Variants in INTS9 observed in about 807,000 individuals in gnomAD.
INTS9 encodes protein related to CPSF subunits of 74 kDa.
A neutral mutation model predicts 79.7 loss-of-function variants in INTS9; 55 were observed. That is an observed-to-expected ratio of 0.69 (90% CI 0.56 to 0.86). INTS9 has a LOEUF of 0.86. INTS9 is among the 40% of genes least tolerant of loss of function. The pLI is 0.00. For synonymous variants in INTS9, 319 were observed against 325.2 expected, an observed-to-expected ratio of 0.98 and a Z score of 0.20; for missense variants, 721 against 831.5, an observed-to-expected ratio of 0.87 and a Z score of 1.64.
intron 11 of INTS9, among the ~76,000 whole-genome samples, chr8:28,782,594 T>C (rs1434154566): frequency 6.6e-6 from 1 of 152,164 alleles, no homozygotes; most frequent in Non-Finnish European, 1.5e-5. Flanking sequence ...CTTTTAGAAA[T>C]GTGATGTCCT....
intron 1 of INTS9, among the ~76,000 whole-genome samples, chr8:28,882,705 A>G (rs1809962639): frequency 6.6e-6 from 1 of 152,128 alleles, no homozygotes; most frequent in Admixed American, 6.5e-5. Flanking sequence ...CCTAAAGCCA[A>G]AAAAGGTGTT....
At chr8:28,840,971 G>A (rs10095536) in intron 4 of INTS9, among the ~76,000 whole-genome samples, 129,828 of 148,960 alleles carry the variant, frequency 0.87, 56,532 homozygotes, top group East Asian at 0.93. Context: ...AAAAAAAAAA[G>A]AAAGAAAGAT....
intron 8 of INTS9, among the ~76,000 whole-genome samples, chr8:28,799,753 T>G (rs1018640121): frequency 3.3e-5 from 5 of 152,212 alleles, no homozygotes; most frequent in African/African-American, 1.2e-4. Context: ...CCTTACAAAG[T>G]TGAAAGTCAC....
intron 10 of INTS9, among the ~76,000 whole-genome samples, chr8:28,788,449 C>T (rs180978007): frequency 1.3e-5 from 2 of 152,246 alleles, no homozygotes; most frequent in East Asian, 3.9e-4. Context: ...GACAGAGTTT[C>T]GCTCTTGTTG....
At chr8:28,772,476 A>G (rs1482893140) in intron 14 of INTS9, among the ~76,000 whole-genome samples, 1 of 152,034 alleles carries the variant, frequency 6.6e-6, no homozygotes. Flanking sequence ...CTGTGCCACT[A>G]CACTCCAGCC....
Position 28,880,017 on chromosome 8 carries a change from AT to A in INTS9, c.9+9856del, listed in dbSNP as rs1482101896. 7.2e-5 allele frequency among the ~76,000 whole-genome samples: 11 copies of A among 152,254 alleles called. No individual in the cohort carries two copies. In the East Asian group the frequency reaches 2.1e-3, roughly 29 times the overall value. On this transcript the variant is annotated intron_variant, in intron 1 of 16. Coordinates refer to ENST00000521022, the MANE Select transcript of INTS9 (RefSeq NM_018250.4). ...ATTGAATTTTGTTTTATATGCAAGA[AT>A]TTTACATATTACATATTACACCTCA...
intron 10 of INTS9, among the ~76,000 whole-genome samples, chr8:28,788,825 C>T (rs751071458): frequency 6.6e-6 from 1 of 152,186 alleles, no homozygotes; most frequent in Non-Finnish European, 1.5e-5. Context: ...TTTGCTTTTT[C>T]CTAGTCAGTT....
At chr8:28,875,042 C>T (rs571740307) in intron 1 of INTS9, among the ~76,000 whole-genome samples, 3 of 152,090 alleles carry the variant, frequency 2.0e-5, no homozygotes, top group Non-Finnish European at 4.4e-5. Flanking sequence ...TTTTTAAAAC[C>T]ATCAGATCTT....
chr8:28,806,899 C>T (rs1398365693), intron 8 of INTS9, among the ~76,000 whole-genome samples: 1 of 152,008 alleles, frequency 6.6e-6, no homozygotes, highest in African/African-American at 2.4e-5. Context: ...GCTTTAAATA[C>T]ATTTATCGAA....
At chr8:28,873,437 C>T (rs1809198282) in intron 1 of INTS9, among the ~76,000 whole-genome samples, 1 of 152,050 alleles carries the variant, frequency 6.6e-6, no homozygotes, top group South Asian at 2.1e-4. Flanking sequence ...ACTTTCAGGT[C>T]AACATAATGT....
At chr8:28,787,151 C>T (rs555752664) in intron 11 of INTS9, among the ~76,000 whole-genome samples, 1 of 152,194 alleles carries the variant, frequency 6.6e-6, no homozygotes, top group African/African-American at 2.4e-5. Flanking sequence ...CGCAGAAAAA[C>T]GTTCATAATA....
chr8:28,816,527 C>A (rs36137475), intron 6 of INTS9, among the ~76,000 whole-genome samples: 53,042 of 143,996 alleles, frequency 0.37, 9,544 homozygotes, highest in Non-Finnish European at 0.46. Flanking sequence ...TGTATATGTG[C>A]CACATTTTCT....
chr8:28,768,549 G>C (rs1802342098), intron 16 of INTS9, among the ~76,000 whole-genome samples: 1 of 152,242 alleles, frequency 6.6e-6, no homozygotes, highest in South Asian at 2.1e-4. Flanking sequence ...ACCTGGCTAA[G>C]CTTTTGTGAG....
At chr8:28,853,026 C>G (rs985989913) in intron 2 of INTS9, among the ~76,000 whole-genome samples, 5 of 152,110 alleles carry the variant, frequency 3.3e-5, no homozygotes, top group African/African-American at 1.2e-4. Flanking sequence ...TTTTAAGAAA[C>G]CAAAGGGGAA....
Position 28,825,797 on chromosome 8 carries a change from C to G in INTS9, c.488+9495G>C, listed in dbSNP as rs556009786. On this transcript the variant is annotated intron_variant, in intron 6 of 16. Transcript: ENST00000521022. ...ATGCAAAGCATCTACAACTTTTGTCCTCAATAACCCAGAACTTATTTCTAG... is the reference window on the plus strand; with the variant it reads ...ATGCAAAGCATCTACAACTTTTGTCGTCAATAACCCAGAACTTATTTCTAG... Among the ~76,000 whole-genome samples, 22 of 152,312 alleles carry G rather than the reference C, an allele frequency of 1.4e-4. 3 individuals are homozygous for G. The South Asian group carries it at 4.3e-3, about 30-fold the overall frequency.
chr8:28,802,279 G>A (rs977941259), intron 8 of INTS9, among the ~76,000 whole-genome samples: 3 of 152,218 alleles, frequency 2.0e-5, no homozygotes, highest in Admixed American at 2.0e-4. Context: ...CTGTGTCAAT[G>A]TGCATAAATG....
intron 13 of INTS9, chr8:28,776,174 A>G (rs1802866678): frequency 5.2e-6 from 2 of 386,702 alleles, no homozygotes; most frequent in African/African-American, 2.1e-5. Flanking sequence ...TACTCTTTAC[A>G]TAAGTTTCAC....
intron 1 of INTS9, among the ~76,000 whole-genome samples, chr8:28,866,363 C>T (rs529275615): frequency 6.6e-6 from 1 of 152,112 alleles, no homozygotes; most frequent in Admixed American, 6.6e-5. Context: ...GGGGCCGGTC[C>T]GCAATAAATG....
chr8:28,807,608 A>G (rs1804882163), intron 8 of INTS9, among the ~76,000 whole-genome samples: 1 of 152,244 alleles, frequency 6.6e-6, no homozygotes. Context: ...TCACTACATT[A>G]ATGGTCTCAA....
Sources: gnomAD v4.1 joint callset for allele counts (sites outside exome capture counted in the v4.1 genomes callset) on GRCh38, gnomAD v4.1.1 for gene constraint, MANE v1.5 for transcripts, NCBI Gene and HGNC (gene_info 2026-07-23, HGNC 2026-07-21) for gene names.